Variants in RGS8 observed in about 807,000 individuals in gnomAD.
RGS8 encodes the protein regulator of G protein signaling 8.
A neutral mutation model predicts 21.7 loss-of-function variants in RGS8; 8 were observed. That is an observed-to-expected ratio of 0.37 (90% CI 0.22 to 0.66). RGS8 has a LOEUF of 0.66. Among genes scored for constraint, RGS8 ranks in the 30% least tolerant of loss-of-function variants. RGS8 has a pLI of 0.59. For missense variants in RGS8, 157 were observed against 217.9 expected (o/e 0.72, Z 1.76); for synonymous variants, 80 against 83.6 (o/e 0.96, Z 0.24).
At chr1:182,656,424 G>A (rs1194341702) in intron 5 of RGS8, among the ~76,000 whole-genome samples, 1 of 152,184 alleles carries the variant, frequency 6.6e-6, no homozygotes, top group African/African-American at 2.4e-5. Context: ...GCCGTTAGGT[G>A]CCACCAATAA....
the RGS8 span, among the ~76,000 whole-genome samples, chr1:182,721,050 C>CACAT: frequency 5.0e-5 from 4 of 80,238 alleles, no homozygotes; most frequent in South Asian, 3.9e-4. Context: ...CATATACATA[C>CACAT]ATATATATGT....
chr1:182,715,215 A>G, the RGS8 span, among the ~76,000 whole-genome samples: 2 of 152,222 alleles, frequency 1.3e-5, no homozygotes, highest in African/African-American at 4.8e-5. Context: ...AGCAGCATCA[A>G]CAAAGACCTG....
chr1:182,693,839 G>T, the RGS8 span, among the ~76,000 whole-genome samples: 1 of 152,168 alleles, frequency 6.6e-6, no homozygotes, highest in African/African-American at 2.4e-5. Flanking sequence ...TGGTGCTGGA[G>T]GTCATTATCC....
chr1:182,684,833 T>TCA (rs1222846015), upstream of RGS8, among the ~76,000 whole-genome samples: 3 of 151,960 alleles, frequency 2.0e-5, no homozygotes, highest in East Asian at 3.9e-4. The surrounding 1 kb of genome is among the most constrained non-coding windows in gnomAD (Gnocchi z 4.2). Context: ...AGGGAAGAGA[T>TCA]CACCTGGGAC....
chr1:182,736,353 T>G, the RGS8 span, among the ~76,000 whole-genome samples: 1 of 152,238 alleles, frequency 6.6e-6, no homozygotes, highest in Admixed American at 6.5e-5. Flanking sequence ...CTATGAACTT[T>G]TCTTGAGTGG....
chr1:182,694,776 C>T, the RGS8 span, among the ~76,000 whole-genome samples: 1 of 151,090 alleles, frequency 6.6e-6, no homozygotes, highest in African/African-American at 2.4e-5. Flanking sequence ...CCACTGCACT[C>T]CAGCCTGGGT....
chr1:182,655,981 C>T (rs1330378535), intron 5 of RGS8, among the ~76,000 whole-genome samples: 3 of 152,158 alleles, frequency 2.0e-5, no homozygotes, highest in Non-Finnish European at 4.4e-5. Context: ...CAAGCCCAAG[C>T]GTTCTCATCT....
At chr1:182,664,841 AT>A (rs1663775183) in intron 5 of RGS8, among the ~76,000 whole-genome samples, 1 of 152,242 alleles carries the variant, frequency 6.6e-6, no homozygotes. Flanking sequence ...TCTAAAATCT[AT>A]TCAAACGTAT....
At chr1:182,725,238 A>G in the RGS8 span, among the ~76,000 whole-genome samples, 1 of 152,182 alleles carries the variant, frequency 6.6e-6, no homozygotes, top group Non-Finnish European at 1.5e-5. Flanking sequence ...GTTAGAGCCT[A>G]GTACACAAGT....
At chr1:182,654,705 T>C (rs568362874) in intron 5 of RGS8, among the ~76,000 whole-genome samples, 5 of 151,798 alleles carry the variant, frequency 3.3e-5, no homozygotes, top group East Asian at 3.9e-4. Context: ...TAAATAAGAA[T>C]GTGATAAAAA....
the RGS8 span, among the ~76,000 whole-genome samples, chr1:182,723,594 GT>G: frequency 1.7e-4 from 26 of 152,194 alleles, no homozygotes; most frequent in African/African-American, 4.3e-4. Context: ...AAAATGATGT[GT>G]TACTTGTGCT....
intron 5 of RGS8, among the ~76,000 whole-genome samples, chr1:182,659,571 C>G (rs950411532): frequency 6.6e-6 from 1 of 152,018 alleles, no homozygotes; most frequent in African/African-American, 2.4e-5. Context: ...TGGTGGCAGG[C>G]GCTTCTAATC....
At chr1:182,675,926 G>C (rs535408736), upstream of RGS8, among the ~76,000 whole-genome samples, 2 of 152,270 alleles carry the variant, frequency 1.3e-5, no homozygotes, top group South Asian at 4.2e-4. Context: ...CTCACAGAGA[G>C]CAGGTGTTGA....
At position 182,671,572 on chromosome 1, in the gene RGS8, G is replaced by T. The variant is rs1664157599; in HGVS notation, c.-104+85C>A. ...GAAGAAAGCAATCAATATGCATGAA[G>T]AGGCAAGTTAATTAAATATGGATAA... On this transcript the variant is annotated intron_variant, in intron 2 of 6. Coordinates refer to ENST00000483095, the Ensembl canonical transcript of RGS8. The T allele has an allele frequency of 3.4e-6, 4 of 1,180,172 alleles. No homozygotes were observed. In the South Asian group the frequency reaches 5.0e-5, roughly 15 times the overall value. The allele number at this position is 1,180,172 out of a possible 1,614,324, so 73.1% of individuals were successfully genotyped here. A position where few individuals can be genotyped will look rare whatever the true frequency, so the allele number is the denominator to read the frequency against.
upstream of RGS8, among the ~76,000 whole-genome samples, chr1:182,675,548 C>T (rs1664329063): frequency 6.6e-6 from 1 of 152,166 alleles, no homozygotes; most frequent in African/African-American, 2.4e-5. Flanking sequence ...CCTCCTTGTC[C>T]TGCCTGACAA....
rs146941941 is a variant in RGS8, at chr1:182,670,684, G to A, written c.-103-932C>T. On this transcript the variant is annotated intron_variant, in intron 2 of 6. Transcript: ENST00000483095. ...ATTTAAATTATTTTTATATTACCGCGACTATTTCACAAGTACTTTTTAAAA... is the reference window on the plus strand; with the variant it reads ...ATTTAAATTATTTTTATATTACCGCAACTATTTCACAAGTACTTTTTAAAA... Among the ~76,000 whole-genome samples the A allele has an allele frequency of 3.7e-4, 56 of 152,072 alleles. 2 individuals carry two copies. The highest frequency in any genetic ancestry group is 8.3e-4 in the South Asian group (4 of 4,810).
upstream of RGS8, among the ~76,000 whole-genome samples, chr1:182,686,785 T>C (rs1332451345): frequency 6.6e-6 from 1 of 151,818 alleles, no homozygotes; most frequent in Non-Finnish European, 1.5e-5. Context: ...GGGGAGTAAA[T>C]GGAATCACCC....
chr1:182,711,061 T>C, the RGS8 span, among the ~76,000 whole-genome samples: 1 of 152,254 alleles, frequency 6.6e-6, no homozygotes, highest in East Asian at 1.9e-4. Context: ...ATTCCTGAGT[T>C]GGTAGGTGAA....
At chr1:182,658,626 T>C (rs1330470740) in intron 5 of RGS8, 3 of 152,354 alleles carry the variant, frequency 2.0e-5, no homozygotes, top group Admixed American at 6.5e-5. Context: ...AAATTCATGA[T>C]GAGAATAGCA....
Sources: allele counts gnomAD v4.1 joint callset (sites outside exome capture counted in the v4.1 genomes callset), GRCh38; gene constraint gnomAD v4.1.1; non-coding constraint Gnocchi (gnomAD v3.1); transcripts MANE v1.5; gene names NCBI Gene and HGNC (gene_info 2026-07-23, HGNC 2026-07-21).